MAP3K20: variants seen among roughly 807,000 people sequenced by gnomAD.
MAP3K20 encodes HCCS-4.
Under a neutral mutation model 85.7 loss-of-function variants are expected in MAP3K20, and 40 were observed. The ratio of observed to expected loss-of-function variants is 0.47; its 90% CI spans 0.36 to 0.61. The LOEUF (loss-of-function observed/expected upper bound fraction) is 0.61. Among genes scored for constraint, MAP3K20 ranks in the 20% least tolerant of loss-of-function variants. The pLI, the probability that MAP3K20 is intolerant of heterozygous loss-of-function variation, is 0.00. For missense variants in MAP3K20, 817 were observed against 961.7 expected, an observed-to-expected ratio of 0.85 and a Z score of 1.99; for synonymous variants, 325 against 327.7, an observed-to-expected ratio of 0.99 and a Z score of 0.09.
At chr2:173,258,341 A>T (rs1036953661) in intron 16 of MAP3K20, among the ~76,000 whole-genome samples, 1 of 152,162 alleles carries the variant, frequency 6.6e-6, no homozygotes, top group Admixed American at 6.6e-5. Flanking sequence ...TGTTCCTACA[A>T]TGTTTAATAT....
intron 3 of MAP3K20, 65 bp downstream of exon 3, chr2:173,169,957 T>C: frequency 7.1e-7 from 1 of 1,409,752 alleles, no homozygotes; most frequent in South Asian, 1.2e-5. Flanking sequence ...CTTAATATGC[T>C]AAAATGCTTA....
intron 1 of MAP3K20, among the ~76,000 whole-genome samples, chr2:173,087,330 T>C (rs551551367): frequency 6.6e-6 from 1 of 152,316 alleles, no homozygotes; most frequent in East Asian, 1.9e-4. Flanking sequence ...AGAAAAGTAT[T>C]TGAAGCAGAG....
chr2:173,215,378 T>C (rs1684042091), intron 10 of MAP3K20, among the ~76,000 whole-genome samples: 1 of 151,986 alleles, frequency 6.6e-6, no homozygotes, highest in Non-Finnish European at 1.5e-5. Context: ...TTTTTCACGT[T>C]TTTTTCCCCT....
chr2:173,080,877 T>C (rs1184406008), intron 1 of MAP3K20, among the ~76,000 whole-genome samples: 1 of 152,168 alleles, frequency 6.6e-6, no homozygotes, highest in Non-Finnish European at 1.5e-5. Context: ...AATACCCTTC[T>C]TTCTGGACTC....
chr2:173,137,212 G>T (rs1374765091), intron 2 of MAP3K20, among the ~76,000 whole-genome samples: 2 of 152,142 alleles, frequency 1.3e-5, no homozygotes, highest in Non-Finnish European at 2.9e-5. Context: ...ATGTCACAAT[G>T]ACTTACCTTA....
intron 5 of MAP3K20, among the ~76,000 whole-genome samples, chr2:173,190,413 A>C (rs1362429790): frequency 6.6e-6 from 1 of 152,246 alleles, no homozygotes. Flanking sequence ...AGCATTATAC[A>C]TGGCGTTACC....
At chr2:173,234,120 T>C (rs577476404) in intron 14 of MAP3K20, among the ~76,000 whole-genome samples, 2 of 152,310 alleles carry the variant, frequency 1.3e-5, no homozygotes, top group East Asian at 1.9e-4. Flanking sequence ...TTGTCCTATT[T>C]GGCAGATGCC....
In MAP3K20 at chr2:173,139,216, A is replaced by C. The variant is rs140593214; in HGVS notation, c.160-30589A>C. ...CTGAGGTTTTTCTGGCTTTGGACCC[A>C]GTGTGTGCTCTACTCATAATAGAAT... On this transcript the variant is annotated intron_variant, in intron 2 of 19. Coordinates refer to ENST00000375213, the MANE Select transcript of MAP3K20 (RefSeq NM_016653.3). Among the ~76,000 whole-genome samples the C allele has an allele frequency of 2.3e-4, 35 of 152,336 alleles. No homozygotes were observed. In the East Asian group the frequency reaches 5.4e-3, roughly 23 times the overall value.
chr2:173,258,578 A>G (rs1685211942), intron 16 of MAP3K20, 121 bp from the exon 17 acceptor site: 1 of 366,766 alleles, frequency 2.7e-6, no homozygotes, highest in Non-Finnish European at 4.5e-6. Flanking sequence ...TGAAAAAGGA[A>G]AAAAAAAAAA....
At chr2:173,148,366 AG>A (rs1450581081) in intron 2 of MAP3K20, among the ~76,000 whole-genome samples, 1 of 152,194 alleles carries the variant, frequency 6.6e-6, no homozygotes, top group Non-Finnish European at 1.5e-5. Flanking sequence ...TTATGCTATG[AG>A]AGGTAGGCTG....
In MAP3K20 at chr2:173,232,196, G is replaced by C; in HGVS notation, c.1037G>C (p.Cys346Ser). 6.2e-7 allele frequency: 1 copy of C among 1,614,204 alleles called. No homozygotes were observed. Among genetic ancestry groups the C allele is most frequent in the Middle Eastern group, 1.6e-4 (1 of 6,062 alleles). Residue 346 changes from cysteine (C) to serine (S), a missense_variant, in exon 13 of 20, where the codon TGT becomes TCT. Physicochemically the swap from Cys to Ser is moderately radical, Grantham distance 112 (BLOSUM62 -1). Around this residue, in one of 4 missense-constraint regions of MAP3K20, gnomAD observed 158 missense variants for 162.0 expected, o/e 0.98. Coordinates refer to ENST00000375213, the MANE Select transcript of MAP3K20 (RefSeq NM_016653.3). ...TATGTGTCCTCTCTTTCACAGTATT[G>C]TTGGGTTCAGCAGCTCGTCAGAAAA... ...IGAWTEDDVYCWVQQLVRKGD... is the reference protein window; with the variant it reads ...IGAWTEDDVYSWVQQLVRKGD...
chr2:173,143,908 G>T (rs912045007), intron 2 of MAP3K20, among the ~76,000 whole-genome samples: 1 of 151,966 alleles, frequency 6.6e-6, no homozygotes, highest in Non-Finnish European at 1.5e-5. Flanking sequence ...ATTTACATTA[G>T]CATTAAACAC....
intron 13 of MAP3K20, 38 bp from the exon 14 acceptor site, chr2:173,232,282 C>A (rs773710270): frequency 1.2e-6 from 2 of 1,613,810 alleles, no homozygotes; most frequent in Non-Finnish European, 1.7e-6. Context: ...GATGTGATTT[C>A]ATCTAATTTT....
intron 16 of MAP3K20, among the ~76,000 whole-genome samples, chr2:173,245,134 A>AC (rs1684883832): frequency 6.6e-6 from 1 of 152,068 alleles, no homozygotes; most frequent in Admixed American, 6.6e-5. Context: ...CCCACTAACT[A>AC]CCCCTTAAAA....
intron 2 of MAP3K20, among the ~76,000 whole-genome samples, chr2:173,097,101 C>T (rs145414116): frequency 0.016 from 2,431 of 152,308 alleles, 37 homozygotes; most frequent in South Asian, 0.029. Context: ...AATTAATTGG[C>T]CTAGTGCAGT....
intron 3 of MAP3K20, among the ~76,000 whole-genome samples, chr2:173,179,611 G>T (rs1244059427): frequency 6.6e-6 from 1 of 151,302 alleles, no homozygotes; most frequent in African/African-American, 2.4e-5. Flanking sequence ...GTGTGATCAG[G>T]CAAGAAAAAG....
At chr2:173,098,657 T>C (rs903527168) in intron 2 of MAP3K20, among the ~76,000 whole-genome samples, 6 of 152,238 alleles carry the variant, frequency 3.9e-5, no homozygotes, top group Non-Finnish European at 8.8e-5. Context: ...ATGTACTCTT[T>C]TATGGCTGAA....
chr2:173,122,797 G>T (rs1376766620), intron 2 of MAP3K20, among the ~76,000 whole-genome samples: 3 of 152,092 alleles, frequency 2.0e-5, no homozygotes. Context: ...ATATGTCCCT[G>T]ATCCCTTTGA....
chr2:173,226,612 C>G (rs1045841560), intron 11 of MAP3K20: 4 of 985,732 alleles, frequency 4.1e-6, no homozygotes, highest in Admixed American at 1.2e-4. Context: ...TTTTCTCAGA[C>G]TCCACCTTTG....
Sources: gnomAD v4.1 joint callset for allele counts (sites outside exome capture counted in the v4.1 genomes callset) on GRCh38, gnomAD v4.1.1 for gene constraint, gnomAD v4.1.1 regional missense constraint, MANE v1.5 for transcripts, NCBI Gene and HGNC (gene_info 2026-07-23, HGNC 2026-07-21) for gene names.